SH3GL2: variants seen among roughly 807,000 people sequenced by gnomAD.
SH3GL2 encodes the protein endophilin-A1.
Under a neutral mutation model 46.0 loss-of-function variants are expected in SH3GL2, and 24 were observed. The ratio of observed to expected loss-of-function variants is 0.52; its 90% CI spans 0.38 to 0.73. SH3GL2 has a LOEUF of 0.73. Ranked by LOEUF, SH3GL2 falls within the 30% of genes least tolerant of loss-of-function variation. The pLI is 0.00. For missense variants in SH3GL2, 413 were observed against 424.2 expected, an observed-to-expected ratio of 0.97 and a Z score of 0.23; for synonymous variants, 196 against 147.1, an observed-to-expected ratio of 1.33 and a Z score of -2.40.
chr9:17,755,823 A>G (rs1252505034), intron 2 of SH3GL2: 34 of 961,182 alleles, frequency 3.5e-5, no homozygotes, highest in Non-Finnish European at 4.2e-5. Context: ...ACTTTTCTTC[A>G]GGGAAGAAAG....
chr9:17,592,773 G>T (rs1185985627), intron 1 of SH3GL2, among the ~76,000 whole-genome samples: 1 of 152,144 alleles, frequency 6.6e-6, no homozygotes, highest in East Asian at 1.9e-4. Context: ...CATCAGGGTG[G>T]TAACTGTCTT....
At chr9:17,757,129 G>A (rs1001230582) in intron 2 of SH3GL2, among the ~76,000 whole-genome samples, 1 of 152,164 alleles carries the variant, frequency 6.6e-6, no homozygotes, top group African/African-American at 2.4e-5. Context: ...GTCTTCTTTT[G>A]AGAAGTGTCT....
intron 1 of SH3GL2, among the ~76,000 whole-genome samples, chr9:17,607,803 G>A (rs190456496): frequency 5.9e-5 from 9 of 152,120 alleles, no homozygotes. Context: ...ATCCGTAGCA[G>A]AATTGCCTAG....
chr9:17,679,774 A>G (rs1257789424), intron 1 of SH3GL2, among the ~76,000 whole-genome samples: 9 of 152,142 alleles, frequency 5.9e-5, no homozygotes, highest in Non-Finnish European at 5.9e-5. Flanking sequence ...TTTGTGATAA[A>G]TAGCTCTTAT....
At chr9:17,581,236 G>T (rs1238928020) in intron 1 of SH3GL2, among the ~76,000 whole-genome samples, 1 of 137,010 alleles carries the variant, frequency 7.3e-6, no homozygotes, top group Non-Finnish European at 1.6e-5. Flanking sequence ...TTGAAGTTCT[G>T]TGTCGCCCTA....
chr9:17,671,035 T>G (rs921413088), intron 1 of SH3GL2, among the ~76,000 whole-genome samples: 2 of 152,166 alleles, frequency 1.3e-5, no homozygotes, highest in Non-Finnish European at 2.9e-5. Flanking sequence ...GCTTATGGAG[T>G]GTCTCTGAGA....
At chr9:17,622,976 G>GTTTCCTTTCCTTTCCTTTCCTTTCC (rs1554631073) in intron 1 of SH3GL2, among the ~76,000 whole-genome samples, 6 of 78,700 alleles carry the variant, frequency 7.6e-5, no homozygotes, top group South Asian at 5.1e-4. Context: ...TTTTCCTTTC[G>GTTTCCTTTCCTTTCCTTTCCTTTCC]TTTCCTTTCG....
intron 7 of SH3GL2, among the ~76,000 whole-genome samples, chr9:17,792,662 A>C (rs1194784216): frequency 6.6e-6 from 1 of 152,220 alleles, no homozygotes; most frequent in Non-Finnish European, 1.5e-5. Context: ...TCATGTTCTG[A>C]ATAGAATAGC....
intron 2 of SH3GL2, among the ~76,000 whole-genome samples, chr9:17,757,702 T>G (rs1823038986): frequency 6.6e-6 from 1 of 152,242 alleles, no homozygotes. Flanking sequence ...AAGTTCAAAG[T>G]TAAACTGTAC....
At chr9:17,633,927 C>A (rs573195642) in intron 1 of SH3GL2, among the ~76,000 whole-genome samples, 19 of 152,126 alleles carry the variant, frequency 1.2e-4, no homozygotes, top group Admixed American at 1.2e-3. Flanking sequence ...CTTTGGCAAC[C>A]CCTTTCTGCA....
intron 3 of SH3GL2, among the ~76,000 whole-genome samples, chr9:17,781,995 T>C (rs1823822574): frequency 6.6e-6 from 1 of 152,180 alleles, no homozygotes; most frequent in African/African-American, 2.4e-5. Context: ...GAGCAGAGGC[T>C]GCACCTCACT....
At chr9:17,718,060 G>T (rs759570514) in intron 1 of SH3GL2, among the ~76,000 whole-genome samples, 8 of 152,122 alleles carry the variant, frequency 5.3e-5, no homozygotes, top group Non-Finnish European at 1.0e-4. Flanking sequence ...ATTCTCACAT[G>T]AATTCAAATC....
intron 1 of SH3GL2, among the ~76,000 whole-genome samples, chr9:17,675,691 A>T (rs934481337): frequency 1.3e-5 from 2 of 152,260 alleles, no homozygotes; most frequent in Non-Finnish European, 2.9e-5. Context: ...TCACGCCTGT[A>T]ATCTCAGCAC....
intron 1 of SH3GL2, chr9:17,630,278 T>C (rs1307176241): frequency 1.3e-5 from 2 of 152,236 alleles, no homozygotes; most frequent in African/African-American, 4.8e-5. Flanking sequence ...AATGAATGAA[T>C]GGTGCTAATA....
chr9:17,725,594 T>C (rs1261378750), intron 1 of SH3GL2, among the ~76,000 whole-genome samples: 2 of 152,178 alleles, frequency 1.3e-5, no homozygotes, highest in African/African-American at 2.4e-5. Flanking sequence ...TCTGTGGCAC[T>C]GAGTCAGAGT....
chr9:17,681,489 A>G (rs779052320), intron 1 of SH3GL2, among the ~76,000 whole-genome samples: 17 of 152,080 alleles, frequency 1.1e-4, no homozygotes, highest in Non-Finnish European at 1.9e-4. Flanking sequence ...TTAAGAAAAC[A>G]TGGGCTTAAT....
intron 1 of SH3GL2, among the ~76,000 whole-genome samples, chr9:17,683,849 G>T (rs1820836101): frequency 6.6e-6 from 1 of 152,082 alleles, no homozygotes; most frequent in Non-Finnish European, 1.5e-5. Flanking sequence ...TGACGCCAAG[G>T]ACACATGAAA....
Position 17,747,055 on chromosome 9 carries a change from A to C in SH3GL2, c.46-11A>C, listed in dbSNP as rs1822709962. 2 of 1,576,116 alleles carry C rather than the reference A, an allele frequency of 1.3e-6. No homozygotes were observed. The highest frequency in any genetic ancestry group is 2.7e-5 in the African/African-American group (2 of 74,134). ...TTTATAATAATTCTCCTTTGTGGTT[A>C]TTTTCTACAGAAAGTGAGTGAGAAG... On this transcript the variant is annotated splice_polypyrimidine_tract_variant and intron_variant, in intron 1 of 8. Transcript: ENST00000380607.
chr9:17,751,321 C>T (rs1218170336), intron 2 of SH3GL2, among the ~76,000 whole-genome samples: 1 of 152,112 alleles, frequency 6.6e-6, no homozygotes, highest in African/African-American at 2.4e-5. Flanking sequence ...TTCATACACT[C>T]AGTCACTGGG....
Sources: allele counts gnomAD v4.1 joint callset (sites outside exome capture counted in the v4.1 genomes callset), GRCh38; gene constraint gnomAD v4.1.1; transcripts MANE v1.5; gene names NCBI Gene and HGNC (gene_info 2026-07-23, HGNC 2026-07-21).